The following U2SURP variants were observed in gnomAD, a reference collection of about 807,000 sequenced individuals.
The protein encoded by U2SURP is U2 snRNP-associated SURP motif-containing protein.
Under a neutral mutation model 144.9 loss-of-function variants are expected in U2SURP, and 9 were observed. That is an observed-to-expected ratio of 0.06 (90% CI 0.04 to 0.11). U2SURP has a LOEUF of 0.11. Among genes scored for constraint, U2SURP ranks in the 10% least tolerant of loss-of-function variants. The pLI is 1.00. For synonymous variants in U2SURP, 408 were observed against 396.8 expected, an observed-to-expected ratio of 1.03 and a Z score of -0.33; for missense variants, 724 against 1,226.7, an observed-to-expected ratio of 0.59 and a Z score of 6.12.
At position 143,059,142 on chromosome 3, in the gene U2SURP, AG is replaced by A. The variant is rs1935275575; in HGVS notation, c.*2693del. ...TTATAGTTCCTTATTACAGATAGTA[AG>A]CATATGGGAATTTCTGAGCTATAAC... On this transcript the variant is annotated 3_prime_UTR_variant, in exon 28 of 28. Coordinates refer to ENST00000473835, the MANE Select transcript of U2SURP (RefSeq NM_001080415.2). 6.6e-6 allele frequency: 1 copy of A among 152,384 alleles called. No homozygotes were observed. The highest frequency in any genetic ancestry group is 1.5e-5 in the Non-Finnish European group (1 of 67,824). The allele number at this position is 152,384 out of a possible 1,614,324, so 9.4% of individuals were successfully genotyped here. A position where few individuals can be genotyped will look rare whatever the true frequency, so the allele number is the denominator to read the frequency against.
chr3:143,031,157 C>A (rs1220478748), intron 16 of U2SURP, among the ~76,000 whole-genome samples: 1 of 152,062 alleles, frequency 6.6e-6, no homozygotes, highest in African/African-American at 2.4e-5. Context: ...TAAGTGGTTT[C>A]TTGAGATGGA....
At chr3:143,043,088 C>T (rs1365119895) in intron 23 of U2SURP, 29 bp from the exon 24 acceptor site, 2 of 1,574,328 alleles carry the variant, frequency 1.3e-6, no homozygotes, top group Admixed American at 3.7e-5. Flanking sequence ...GCTGCCTTGA[C>T]ATACAATGTA....
chr3:143,046,859 C>G (rs1319978340), intron 24 of U2SURP, among the ~76,000 whole-genome samples: 2 of 126,400 alleles, frequency 1.6e-5, no homozygotes, highest in South Asian at 2.7e-4. Flanking sequence ...GGGTGGTGGC[C>G]GGGTAGAGGG....
chr3:143,028,509 G>A lies in U2SURP; in HGVS notation c.1473G>A (p.Thr491=), dbSNP rs1414922272. 56 of 1,594,518 alleles carry A rather than the reference G, an allele frequency of 3.5e-5. No homozygotes were observed. Among genetic ancestry groups the A allele is most frequent in the Non-Finnish European group, 4.3e-5 (51 of 1,174,526 alleles). ...GAGATTCTCCAACTAAATGGCGGACGGAAGATTTTCGTATGTTCAAAAATG... is the reference window on the plus strand; with the variant it reads ...GAGATTCTCCAACTAAATGGCGGACAGAAGATTTTCGTATGTTCAAAAATG... ...LQGDSPTKWR[T]EDFRMFKNGS... The change falls in exon 16 of 28, where the codon ACG becomes ACA. Residue 491 remains threonine (T), a synonymous_variant. Transcript: ENST00000473835.
At chr3:143,045,762 G>T (rs775812790) in intron 24 of U2SURP, among the ~76,000 whole-genome samples, 1 of 152,200 alleles carries the variant, frequency 6.6e-6, no homozygotes, top group Non-Finnish European at 1.5e-5. Context: ...CAACTTAGTT[G>T]TCTTTCTGGG....
intron 1 of U2SURP, among the ~76,000 whole-genome samples, chr3:143,009,578 AC>A (rs1413338636): frequency 1.3e-5 from 2 of 151,902 alleles, no homozygotes; most frequent in African/African-American, 4.8e-5. Flanking sequence ...AGCCTGGGAG[AC>A]AGAGTAAGAC....
chr3:143,049,265 C>CAAA (rs200930787), intron 24 of U2SURP, among the ~76,000 whole-genome samples: 3 of 81,518 alleles, frequency 3.7e-5, no homozygotes, highest in African/African-American at 5.0e-5. Context: ...GACTCCATCT[C>CAAA]AAAAAAAAAA....
chr3:143,011,463 G>T (rs953726333), intron 2 of U2SURP, among the ~76,000 whole-genome samples: 1 of 152,052 alleles, frequency 6.6e-6, no homozygotes, highest in South Asian at 2.1e-4. Context: ...AAACTATTTT[G>T]TAATAATACT....
chr3:143,053,898 C>A, intron 26 of U2SURP, 104 bp downstream of exon 26: 1 of 998,964 alleles, frequency 1.0e-6, no homozygotes, highest in South Asian at 2.1e-5. Context: ...AGTGTTTGTT[C>A]ATGATAAACT....
At chr3:143,048,453 A>T (rs1934661421) in intron 24 of U2SURP, among the ~76,000 whole-genome samples, 2 of 152,226 alleles carry the variant, frequency 1.3e-5, no homozygotes, top group African/African-American at 4.8e-5. Flanking sequence ...ACAGCGATGA[A>T]CTTAGCTATT....
Position 143,021,340 on chromosome 3 carries a change from C to A in U2SURP, c.734-10C>A. On this transcript the variant is annotated splice_polypyrimidine_tract_variant and intron_variant, in intron 8 of 27. Transcript: ENST00000473835. ...AAAACTAATAATTGTCTTCTTTTCTCCCCTTTAAGTGGACGCGCCTTCAAG... is the reference window on the plus strand; with the variant it reads ...AAAACTAATAATTGTCTTCTTTTCTACCCTTTAAGTGGACGCGCCTTCAAG... 1.3e-6 allele frequency: 2 copies of A among 1,587,548 alleles called. No individual in the cohort carries two copies. Among genetic ancestry groups the A allele is most frequent in the East Asian group, 2.3e-5 (1 of 44,032 alleles).
intron 24 of U2SURP, among the ~76,000 whole-genome samples, chr3:143,048,840 C>T (rs1934683788): frequency 6.6e-6 from 1 of 151,948 alleles, no homozygotes; most frequent in African/African-American, 2.4e-5. Flanking sequence ...GGTTGCAGTG[C>T]ACCTGGGTGA....
rs56916268 is a variant in U2SURP at position 143,044,289 on chromosome 3, C to CTTTTTTTTTTTTTTTTTTTTTTTT, written c.2544+1030_2544+1031insTTTTTTTTTTTTTTTTTTTTTTTT. On this transcript the variant is annotated intron_variant, in intron 24 of 27. Coordinates refer to ENST00000473835, the MANE Select transcript of U2SURP (RefSeq NM_001080415.2). Reference sequence around the variant, plus strand: ...TTTCCCTTTTCCCCTCTCCCCTCTCCTTTTTTTTTTTTTTTTTGAGACGGG... The same window carrying CTTTTTTTTTTTTTTTTTTTTTTTT: ...TTTCCCTTTTCCCCTCTCCCCTCTCCTTTTTTTTTTTTTTTTTTTTTTTTTTTTTTTTTTTTTTTTTGAGACGGG... 1.4e-4 allele frequency among the ~76,000 whole-genome samples: 11 copies of CTTTTTTTTTTTTTTTTTTTTTTTT among 81,376 alleles called. 1 individual carries two copies. Among genetic ancestry groups the CTTTTTTTTTTTTTTTTTTTTTTTT allele is most frequent in the African/African-American group, 5.8e-4 (10 of 17,294 alleles). 53.4% of individuals were successfully genotyped at this position (81,376 alleles called of 152,430 possible). A position where few individuals can be genotyped will look rare whatever the true frequency, so the allele number is the denominator to read the frequency against.
At chr3:143,019,397 T>C (rs1304329051) in intron 6 of U2SURP, among the ~76,000 whole-genome samples, 3 of 152,232 alleles carry the variant, frequency 2.0e-5, no homozygotes, top group Admixed American at 2.0e-4. Context: ...AAAAGTGTTA[T>C]AGTTTTAGCT....
intron 9 of U2SURP, 25 bp from the exon 10 acceptor site, chr3:143,021,448 A>G (rs1272492164): frequency 1.2e-6 from 2 of 1,612,604 alleles, no homozygotes; most frequent in East Asian, 2.2e-5. Context: ...TGCAGGTTAT[A>G]ATTCTTTTTT....
chr3:143,018,197 A>AT (rs781610933), intron 6 of U2SURP, among the ~76,000 whole-genome samples: 391 of 148,508 alleles, frequency 2.6e-3, no homozygotes, highest in East Asian at 0.015. Flanking sequence ...AGTCACTCCC[A>AT]TTTTTTTTTT....
Position 143,007,484 on chromosome 3 carries a change from C to T in U2SURP, c.46-3331C>T, listed in dbSNP as rs1331716418. Among the ~76,000 whole-genome samples the T allele has an allele frequency of 6.5e-5, 9 of 138,444 alleles. No individual in the cohort carries two copies. In the South Asian group the frequency reaches 1.1e-3, roughly 17 times the overall value. The allele number at this position is 138,444 out of a possible 152,430, so 90.8% of individuals were successfully genotyped here. On this transcript the variant is annotated intron_variant, in intron 1 of 27. Transcript: ENST00000473835. ...TTTTTGAGACAGAGTCTCGCTCTGT[C>T]GCCCAGGCCTGCAGTAGTGCTATCT...
Position 143,057,405 on chromosome 3 carries a change from C to CCG in U2SURP, c.*956_*957insGC, listed in dbSNP as rs970536507. On this transcript the variant is annotated 3_prime_UTR_variant, in exon 28 of 28. Transcript: ENST00000473835. Reference sequence around the variant, plus strand: ...GTTTAAACAGCTTAGTTGGTCCCCCCCCACTCCCAAGAGACTTGGGTTTAG... The same window carrying CCG: ...GTTTAAACAGCTTAGTTGGTCCCCCCCGCCACTCCCAAGAGACTTGGGTTTAG... 4.6e-4 allele frequency: 70 copies of CCG among 151,386 alleles called. 2 individuals are homozygous for CCG. Among genetic ancestry groups the CCG allele is most frequent in the African/African-American group, 1.6e-3 (67 of 41,160 alleles). 9.4% of individuals were successfully genotyped at this position (151,386 alleles called of 1,614,324 possible). A position where few individuals can be genotyped will look rare whatever the true frequency, so the allele number is the denominator to read the frequency against.
intron 23 of U2SURP, among the ~76,000 whole-genome samples, chr3:143,039,602 T>A (rs1377497798): frequency 3.6e-5 from 4 of 110,488 alleles, no homozygotes; most frequent in Admixed American, 1.6e-4. Context: ...GAGTTGAATT[T>A]TTTTTTTTTT....
Sources: allele counts gnomAD v4.1 joint callset (sites outside exome capture counted in the v4.1 genomes callset), GRCh38; gene constraint gnomAD v4.1.1; transcripts MANE v1.5; gene names NCBI Gene and HGNC (gene_info 2026-07-23, HGNC 2026-07-21).